The following EEF2K variants were observed in gnomAD, a reference collection of about 807,000 sequenced individuals.
The protein encoded by EEF2K is eukaryotic elongation factor 2 kinase.
EEF2K carries 70 observed loss-of-function variants against 93.8 expected under a neutral mutation model. The observed-to-expected ratio is 0.75, with a 90% CI of 0.62 to 0.91. EEF2K has a LOEUF of 0.91. EEF2K is among the 40% of genes least tolerant of loss of function. The pLI, the probability that EEF2K is intolerant of heterozygous loss-of-function variation, is 0.00. For synonymous variants in EEF2K, 376 were observed against 380.8 expected (o/e 0.99, Z 0.15); for missense variants, 935 against 972.9 (o/e 0.96, Z 0.52).
At chr16:22,242,402 A>G (rs2047231762) in intron 2 of EEF2K, among the ~76,000 whole-genome samples, 1 of 150,018 alleles carries the variant, frequency 6.7e-6, no homozygotes. Flanking sequence ...ATTCACTGCA[A>G]CCTCCACCTC....
chr16:22,257,708 C>T lies in EEF2K; in HGVS notation c.967C>T (p.Leu323Phe). ...ACNRICESMG[L>F]APFDLSPRER... ...CAACCGGATTTGCGAGAGCATGGGCCTTGCTCCCTTTGACCTCTCGCCCCG... is the reference window on the plus strand; with the variant it reads ...CAACCGGATTTGCGAGAGCATGGGCTTTGCTCCCTTTGACCTCTCGCCCCG... The change falls in exon 9 of 18, where the codon CTT becomes TTT. Residue 323 changes from leucine (L) to phenylalanine (F), a missense_variant. Coordinates refer to ENST00000263026, the MANE Select transcript of EEF2K (RefSeq NM_013302.5). 1.2e-6 allele frequency: 2 copies of T among 1,614,062 alleles called. No homozygotes were observed. Among genetic ancestry groups the T allele is most frequent in the South Asian group, 2.2e-5 (2 of 91,084 alleles).
Position 22,284,049 on chromosome 16 carries a change from T to G in EEF2K, c.*53T>G. 7.7e-6 allele frequency: 11 copies of G among 1,435,390 alleles called. No homozygotes were observed. Among genetic ancestry groups the G allele is most frequent in the Non-Finnish European group, 1.0e-5 (11 of 1,053,432 alleles). 88.9% of individuals were successfully genotyped at this position (1,435,390 alleles called of 1,614,324 possible). ...AAGCAAACGGGCTAGGAGGAAAGAT[T>G]AAAAAAACAACAACAACAACTTATT... On this transcript the variant is annotated 3_prime_UTR_variant, in exon 18 of 18. Coordinates refer to ENST00000263026, the MANE Select transcript of EEF2K (RefSeq NM_013302.5).
At chr16:22,269,163 T>C (rs2047553053) in intron 15 of EEF2K, among the ~76,000 whole-genome samples, 1 of 152,078 alleles carries the variant, frequency 6.6e-6, no homozygotes, top group South Asian at 2.1e-4. Context: ...AAGCTAGAAG[T>C]CCAGAAATCA....
chr16:22,273,752 T>C lies in EEF2K; in HGVS notation c.1889+2T>C. 1 of 1,612,912 alleles carries C rather than the reference T, an allele frequency of 6.2e-7. No individual in the cohort carries two copies. Among genetic ancestry groups the C allele is most frequent in the South Asian group, 1.1e-5 (1 of 91,024 alleles). ...TGGCCAGAACCTCAGCCCGGACAGGTACTGCAGCTGTCACCCAGGAGGAGC... is the reference window on the plus strand; with the variant it reads ...TGGCCAGAACCTCAGCCCGGACAGGCACTGCAGCTGTCACCCAGGAGGAGC... On this transcript the variant is annotated splice_donor_variant, in intron 16 of 17. Transcript: ENST00000263026. LOFTEE classifies it high-confidence loss of function.
At chr16:22,276,079 G>T (rs2047631773) in intron 16 of EEF2K, among the ~76,000 whole-genome samples, 1 of 152,012 alleles carries the variant, frequency 6.6e-6, no homozygotes, top group East Asian at 1.9e-4. Flanking sequence ...TGCGTAGCTG[G>T]GACCATAGGC....
chr16:22,256,544 AT>A (rs1012359088), intron 6 of EEF2K, among the ~76,000 whole-genome samples: 6 of 152,024 alleles, frequency 3.9e-5, no homozygotes, highest in Non-Finnish European at 7.4e-5. Context: ...CTAAAAATAT[AT>A]TTTTTTTAAT....
At chr16:22,236,934 C>CTTTTTTT (rs71151665) in intron 2 of EEF2K, among the ~76,000 whole-genome samples, 8 of 56,176 alleles carry the variant, frequency 1.4e-4, no homozygotes, top group African/African-American at 3.2e-4. Context: ...CCACAGACCT[C>CTTTTTTT]TTTTTTTTTT....
chr16:22,228,006 CTTTTTTTTT>C (rs1051682997), intron 2 of EEF2K, among the ~76,000 whole-genome samples: 1 of 80,026 alleles, frequency 1.2e-5, no homozygotes, highest in Non-Finnish European at 2.2e-5. Context: ...AAACCAAATT[CTTTTTTTTT>C]TTTTTTTTTT....
intron 17 of EEF2K, 133 bp downstream of exon 17, chr16:22,280,509 C>G (rs1372884963): frequency 1.9e-6 from 2 of 1,060,482 alleles, no homozygotes; most frequent in African/African-American, 1.7e-5. Flanking sequence ...ATTTATGGAG[C>G]TAGTATGAAG....
chr16:22,226,031 G>A (rs1009064027), intron 2 of EEF2K, 56 bp downstream of exon 2: 183 of 1,591,866 alleles, frequency 1.1e-4, no homozygotes, highest in Non-Finnish European at 1.5e-4. Context: ...GTAAGGGATG[G>A]AGGGTTGGAG....
intron 16 of EEF2K, among the ~76,000 whole-genome samples, chr16:22,274,686 C>T (rs777100901): frequency 6.6e-6 from 1 of 152,224 alleles, no homozygotes; most frequent in African/African-American, 2.4e-5. Flanking sequence ...TAGCTCACTG[C>T]AGCCTCTACC....
chr16:22,235,438 T>C (rs2047158602), intron 2 of EEF2K, among the ~76,000 whole-genome samples: 1 of 152,172 alleles, frequency 6.6e-6, no homozygotes, highest in African/African-American at 2.4e-5. Flanking sequence ...GTCAGCCCAT[T>C]GTATGGCTAC....
At chr16:22,266,102 G>A (rs577752874) in intron 13 of EEF2K, among the ~76,000 whole-genome samples, 6 of 152,098 alleles carry the variant, frequency 3.9e-5, no homozygotes, top group South Asian at 2.1e-4. Flanking sequence ...TGCACCTGTC[G>A]TCCCAGCTAC....
At chr16:22,246,889 T>C (rs991932698) in intron 3 of EEF2K, among the ~76,000 whole-genome samples, 14 of 150,262 alleles carry the variant, frequency 9.3e-5, no homozygotes, top group African/African-American at 3.4e-4. Flanking sequence ...AATACAAAAA[T>C]TAGTTGGGCA....
chr16:22,252,131 G>A (rs1044714372), intron 6 of EEF2K, among the ~76,000 whole-genome samples: 14 of 152,168 alleles, frequency 9.2e-5, no homozygotes, highest in African/African-American at 3.4e-4. Context: ...CTCTGAGGTC[G>A]GAATGTTTTT....
At position 22,266,473 on chromosome 16, in the gene EEF2K, G is replaced by A. The variant is rs144576006; in HGVS notation, c.1524G>A (p.Arg508=). The stretch of plus-strand genomic sequence containing the variant: ...CGGCCGTGGCCCTGGAAGTGCAAAG[G>A]CTTAATGCTCTGGACCTCGAAAAGA... ...RASAVALEVQ[R]LNALDLEKKI... The change falls in exon 14 of 18, where the codon AGG becomes AGA. Residue 508 remains arginine (R), a synonymous_variant. Transcript: ENST00000263026. 6.2e-7 allele frequency: 1 copy of A among 1,614,190 alleles called. No homozygotes were observed. The highest frequency in any genetic ancestry group is 8.5e-7 in the Non-Finnish European group (1 of 1,180,036).
chr16:22,266,307 C>G, intron 13 of EEF2K, 83 bp from the exon 14 acceptor site: 4 of 1,522,490 alleles, frequency 2.6e-6, no homozygotes, highest in Non-Finnish European at 3.5e-6. Context: ...CAGCCAGGCT[C>G]CTGTGTAGTA....
chr16:22,233,477 G>A (rs1466769452), intron 2 of EEF2K, among the ~76,000 whole-genome samples: 3 of 150,806 alleles, frequency 2.0e-5, no homozygotes, highest in Non-Finnish European at 2.9e-5. Context: ...TCAGGAGTTC[G>A]AGACCACCCT....
Position 22,236,721 on chromosome 16 carries a change from C to T in EEF2K, c.247-7909C>T, listed in dbSNP as rs1338748754. ...AACATTTGCAAACACATTGCCGGCA[C>T]TCCACCCTCACTCCTGGCATACTCG... On this transcript the variant is annotated intron_variant, in intron 2 of 17. Coordinates refer to ENST00000263026, the MANE Select transcript of EEF2K (RefSeq NM_013302.5). Among the ~76,000 whole-genome samples, 7 of 151,582 alleles carry T rather than the reference C, an allele frequency of 4.6e-5. No homozygotes were observed. In the East Asian group the frequency reaches 1.4e-3, roughly 29 times the overall value.
Sources: gnomAD v4.1 joint callset for allele counts (sites outside exome capture counted in the v4.1 genomes callset) on GRCh38, gnomAD v4.1.1 for gene constraint, MANE v1.5 for transcripts, NCBI Gene and HGNC (gene_info 2026-07-23, HGNC 2026-07-21) for gene names.